APEH: variants seen among roughly 807,000 people sequenced by gnomAD.
The protein encoded by APEH is acylamino-acid-releasing enzyme.
APEH carries 75 observed loss-of-function variants against 102.7 expected under a neutral mutation model. The ratio of observed to expected loss-of-function variants is 0.73; its 90% CI spans 0.61 to 0.89. The LOEUF (loss-of-function observed/expected upper bound fraction) is 0.89. Among genes scored for constraint, APEH ranks in the 40% least tolerant of loss-of-function variants. The pLI is 0.00. For synonymous variants in APEH, 344 were observed against 362.7 expected (o/e 0.95, Z 0.59); for missense variants, 863 against 941.2 (o/e 0.92, Z 1.09).
At position 49,683,882 on chromosome 3, in the gene APEH, G is replaced by A. The variant is rs555458796; in HGVS notation, c.*540G>A. 4.3e-3 allele frequency: 5,611 copies of A among 1,292,034 alleles called. 14 individuals are homozygous for A. The highest frequency in any genetic ancestry group is 5.5e-3 in the Non-Finnish European group (5,179 of 946,684). The allele number at this position is 1,292,034 out of a possible 1,614,324, so 80.0% of individuals were successfully genotyped here. A position where few individuals can be genotyped will look rare whatever the true frequency, so the allele number is the denominator to read the frequency against. On this transcript the variant is annotated 3_prime_UTR_variant, in exon 22 of 22. Coordinates refer to ENST00000296456, the MANE Select transcript of APEH (RefSeq NM_001640.4). ...CTAGCCCAGGGTGTGCTGGGCTCAA[G>A]CCACCCGAGCCCTAGCAAGGAGTCA...
rs2053056921 is a variant in APEH at position 49,676,453 on chromosome 3, GA to G, written c.683del (p.Asp228ValfsTer80). On this transcript the variant is annotated frameshift_variant, in exon 7 of 22. Coordinates refer to ENST00000296456, the MANE Select transcript of APEH (RefSeq NM_001640.4). LOFTEE classifies it high-confidence loss of function. ...SKSIPVLCVL[D>X]VESGNISVLE... is the part of the protein sequence containing the mutation. The stretch of plus-strand genomic sequence containing the variant: ...AAGCATCCCTGTGCTCTGCGTGCTG[GA>G]TGTCGAGAGTGGCAACATCTCTGTG... 1 of 1,614,246 alleles carries G rather than the reference GA, an allele frequency of 6.2e-7. No individual in the cohort carries two copies. Among genetic ancestry groups the G allele is most frequent in the South Asian group, 1.1e-5 (1 of 91,088 alleles).
At position 49,676,502 on chromosome 3, in the gene APEH, T is replaced by G; in HGVS notation, c.731T>G (p.Val244Gly). The G allele has an allele frequency of 3.1e-6, 5 of 1,614,258 alleles. No homozygotes were observed. Among genetic ancestry groups the G allele is most frequent in the Non-Finnish European group, 4.2e-6 (5 of 1,180,038 alleles). ...GTGCTTGAGGGGGTCCCTGAGAATG[T>G]GTCCCCTGGACAGGTCAGCAGCAAC... is the stretch of plus-strand genomic sequence containing the variant. Reference protein sequence around the residue: ...ISVLEGVPENVSPGQAFWAPG... With the variant: ...ISVLEGVPENGSPGQAFWAPG... The change falls in exon 7 of 22, where the codon GTG becomes GGG. Residue 244 changes from valine to glycine, a missense_variant. Coordinates refer to ENST00000296456, the MANE Select transcript of APEH (RefSeq NM_001640.4).
Position 49,675,681 on chromosome 3 carries a change from C to A in APEH, c.273-13C>A, listed in dbSNP as rs1050761245. On this transcript the variant is annotated splice_polypyrimidine_tract_variant and intron_variant, in intron 3 of 21. Transcript: ENST00000296456. ...GCAAGATAATCCTGACCTGTGCTAC[C>A]CCATGTCCACAGACTGCTGAGCAGA... 1 of 1,609,438 alleles carries A rather than the reference C, an allele frequency of 6.2e-7. No homozygotes were observed. Among genetic ancestry groups the A allele is most frequent in the Non-Finnish European group, 8.5e-7 (1 of 1,176,104 alleles).
chr3:49,683,804 T>C lies in APEH; in HGVS notation c.*462T>C, dbSNP rs1363130189. ...TTTCCACGGCACCCATGGGCAAAAGTAGTCCCAGGGACATTGCCTTGGTTG... is the reference window on the plus strand; with the variant it reads ...TTTCCACGGCACCCATGGGCAAAAGCAGTCCCAGGGACATTGCCTTGGTTG... On this transcript the variant is annotated 3_prime_UTR_variant, in exon 22 of 22. Coordinates refer to ENST00000296456, the MANE Select transcript of APEH (RefSeq NM_001640.4). The C allele has an allele frequency of 1.6e-6, 1 of 626,306 alleles. No homozygotes were observed. The highest frequency in any genetic ancestry group is 2.7e-6 in the Non-Finnish European group (1 of 369,192). 38.8% of individuals were successfully genotyped at this position (626,306 alleles called of 1,614,324 possible). A position where few individuals can be genotyped will look rare whatever the true frequency, so the allele number is the denominator to read the frequency against.
intron 11 of APEH, 102 bp from the exon 12 acceptor site, chr3:49,678,750 G>T: frequency 1.0e-6 from 1 of 977,496 alleles, no homozygotes; most frequent in Admixed American, 1.8e-5. Flanking sequence ...ACTGGTGCCT[G>T]AGTAGGGCCC....
At position 49,683,270 on chromosome 3, in the gene APEH, A is replaced by C; in HGVS notation, c.2127A>C (p.Leu709Phe). The C allele has an allele frequency of 6.2e-7, 1 of 1,614,038 alleles. No homozygotes were observed. The highest frequency in any genetic ancestry group is 8.5e-7 in the Non-Finnish European group (1 of 1,179,984). ...LLLYPKSTHA[L>F]SEVEVESDSF... ...TCTATCCCAAAAGCACCCACGCATT[A>C]TCAGAGGTGGAGGTGGAGTCAGACA... Residue 709 changes from leucine to phenylalanine, a missense_variant, in exon 22 of 22, where the codon TTA (leucine) becomes TTC (phenylalanine). Physicochemically the swap from Leu to Phe is conservative, Grantham distance 22 (BLOSUM62 0). Transcript: ENST00000296456.
intron 2 of APEH, 142 bp from the exon 3 acceptor site, chr3:49,675,041 C>CTG: frequency 8.3e-7 from 1 of 1,198,522 alleles, no homozygotes; most frequent in Non-Finnish European, 1.2e-6. Flanking sequence ...TGTTGTCCAG[C>CTG]CTGCAGCCAG....
At chr3:49,680,242 G>A (rs778217560) in intron 13 of APEH, 25 of 387,742 alleles carry the variant, frequency 6.4e-5, no homozygotes, top group South Asian at 9.5e-5. Context: ...CCAACTTCCC[G>A]GTCCCAGCTG....
Position 49,681,134 on chromosome 3 carries a change from C to G in APEH, c.1333C>G (p.Gln445Glu), listed in dbSNP as rs199874838. ...VGFLPSAGKE[Q>E]SVLWVSLEEA... is the part of the protein sequence containing the mutation. ...GTTCCTGCCTTCTGCAGGGAAGGAG[C>G]AGTCAGTGTTGTGGGTGTCCCTGGA... Residue 445 changes from glutamine to glutamate, a missense_variant, in exon 15 of 22, where the codon CAG (glutamine) becomes GAG (glutamate). Coordinates refer to ENST00000296456, the MANE Select transcript of APEH (RefSeq NM_001640.4). 1.2e-6 allele frequency: 2 copies of G among 1,604,514 alleles called. No homozygotes were observed. The highest frequency in any genetic ancestry group is 1.7e-5 in the Admixed American group (1 of 58,562).
rs762598527 is a variant in APEH, at chr3:49,676,086, C to G, written c.473C>G (p.Ser158Trp). Reference sequence around the variant, plus strand: ...TTTGGCTGCCTGTCCTGGTCGCACTCGGAGACACACTTGTTGTATGTGGCA... The same window carrying G: ...TTTGGCTGCCTGTCCTGGTCGCACTGGGAGACACACTTGTTGTATGTGGCA... ...DCFGCLSWSH[S>W]ETHLLYVAEK... is the part of the protein sequence containing the mutation. Residue 158 changes from serine to tryptophan, a missense_variant, in exon 6 of 22, where the codon TCG becomes TGG. Ser to Trp is a radical substitution (Grantham distance 177). Transcript: ENST00000296456. 1.2e-6 allele frequency: 2 copies of G among 1,614,218 alleles called. No individual in the cohort carries two copies. The highest frequency in any genetic ancestry group is 1.7e-6 in the Non-Finnish European group (2 of 1,180,028).
upstream of APEH, chr3:49,674,268 C>A: frequency 8.2e-7 from 1 of 1,215,066 alleles, no homozygotes; most frequent in Non-Finnish European, 1.1e-6. Context: ...ACCCATTAGC[C>A]GAAGGCCCCG....
Position 49,683,033 on chromosome 3 carries a change from C to A in APEH, c.1987-7C>A, listed in dbSNP as rs1254448690. On this transcript the variant is annotated splice_region_variant and splice_polypyrimidine_tract_variant and intron_variant, in intron 20 of 21. Coordinates refer to ENST00000296456, the MANE Select transcript of APEH (RefSeq NM_001640.4). ...ACACAGCTCCCCACTCTTCCCCAAA[C>A]ACCCAGGTGAAGACACCACTGTTAC... 6.2e-7 allele frequency: 1 copy of A among 1,613,410 alleles called. No individual in the cohort carries two copies. The highest frequency in any genetic ancestry group is 8.5e-7 in the Non-Finnish European group (1 of 1,179,496).
chr3:49,680,560 G>A lies in APEH; in HGVS notation c.1230G>A (p.Trp410Ter). Residue 410 changes from tryptophan to a stop codon, truncating the protein, a stop_gained, in exon 14 of 22, where the codon TGG becomes TGA. Transcript: ENST00000296456. LOFTEE classifies it high-confidence loss of function. The stretch of plus-strand genomic sequence containing the variant: ...TTCCAGGAGGGTCAGGTGGGAGCTG[G>A]AAGTTGCTCACAATTGACCAGGACC... The part of the protein sequence containing the change: ...SLTAGGSGGS[W>*]KLLTIDQDLM... 6.2e-7 allele frequency: 1 copy of A among 1,614,144 alleles called. No homozygotes were observed. Among genetic ancestry groups the A allele is most frequent in the Non-Finnish European group, 8.5e-7 (1 of 1,180,036 alleles).
chr3:49,679,859 C>T lies in APEH; in HGVS notation c.1210+215C>T. On this transcript the variant is annotated intron_variant, in intron 13 of 21. Transcript: ENST00000296456. This position sits in a 1 kb window ranked among gnomAD's most constrained non-coding sequence, Gnocchi z 4.3. ...AGACTAGCTTCCCTGCTCTACTGCC[C>T]TTTAGCACTCAACTCTGTTCCATGT... The T allele has an allele frequency of 1.9e-6, 1 of 532,484 alleles. No homozygotes were observed. Among genetic ancestry groups the T allele is most frequent in the Non-Finnish European group, 3.5e-6 (1 of 289,438 alleles). 33.0% of individuals were successfully genotyped at this position (532,484 alleles called of 1,614,324 possible).
chr3:49,675,084 G>A, intron 2 of APEH, 99 bp from the exon 3 acceptor site: 1 of 1,496,282 alleles, frequency 6.7e-7, no homozygotes, highest in African/African-American at 1.4e-5. Context: ...TTGAGAGATT[G>A]GGGAAGATAG....
chr3:49,674,537 A>C lies in APEH; in HGVS notation c.61A>C (p.Ser21Arg). The change falls in exon 2 of 22, where the codon AGC becomes CGC. Residue 21 changes from serine (S) to arginine (R), a missense_variant. By Grantham distance (110) the Ser-to-Arg change is moderately radical. Coordinates refer to ENST00000296456, the MANE Select transcript of APEH (RefSeq NM_001640.4). ...GGCGGCGGCTCTGTATCGGGGCCTTAGCCGCCAGCCCGCGCTGAGCGCCGC... is the reference window on the plus strand; with the variant it reads ...GGCGGCGGCTCTGTATCGGGGCCTTCGCCGCCAGCCCGCGCTGAGCGCCGC... ...EEAAALYRGL[S>R]RQPALSAACL... 1 of 1,565,798 alleles carries C rather than the reference A, an allele frequency of 6.4e-7. No individual in the cohort carries two copies. The highest frequency in any genetic ancestry group is 8.6e-7 in the Non-Finnish European group (1 of 1,164,396).
At chr3:49,675,866 C>T (rs371646757) in intron 4 of APEH, 25 bp from the exon 5 acceptor site, 588 of 1,613,724 alleles carry the variant, frequency 3.6e-4, no homozygotes, top group Non-Finnish European at 4.8e-4. Context: ...AGCGGGCAAA[C>T]AGCCTAATGC....
At chr3:49,681,021 T>G in intron 14 of APEH, 80 bp from the exon 15 acceptor site, 1 of 1,488,058 alleles carries the variant, frequency 6.7e-7, no homozygotes, top group Non-Finnish European at 9.0e-7. Context: ...TAGTGAGAGC[T>G]GCCTATTTCC....
At chr3:49,677,064 G>A in intron 10 of APEH, 40 bp downstream of exon 10, 1 of 1,613,060 alleles carries the variant, frequency 6.2e-7, no homozygotes, top group Non-Finnish European at 8.5e-7. Context: ...TGGTCAGCAA[G>A]AAGATGGGAT....
Sources: gnomAD v4.1 joint callset for allele counts on GRCh38, gnomAD v4.1.1 for gene constraint, Gnocchi (gnomAD v3.1) non-coding constraint, MANE v1.5 for transcripts, NCBI Gene and HGNC (gene_info 2026-07-23, HGNC 2026-07-21) for gene names.